The following SCNN1B variants were observed in gnomAD, a reference collection of about 807,000 sequenced individuals.
SCNN1B encodes the protein sodium channel epithelial 1 subunit beta, also known as epithelial sodium channel subunit beta.
A neutral mutation model predicts 65.3 loss-of-function variants in SCNN1B; 46 were observed. The observed-to-expected ratio is 0.70, with a 90% CI of 0.56 to 0.90. The LOEUF is 0.90. SCNN1B is among the 40% of genes least tolerant of loss of function. The pLI, the probability that SCNN1B is intolerant of heterozygous loss-of-function variation, is 0.00. For missense variants in SCNN1B, 751 were observed against 830.5 expected (o/e 0.90, Z 1.18); for synonymous variants, 349 against 330.6 (o/e 1.06, Z -0.60).
intron 1 of SCNN1B, among the ~76,000 whole-genome samples, chr16:23,327,095 T>C (rs2141998379): frequency 6.6e-6 from 1 of 152,142 alleles, no homozygotes; most frequent in East Asian, 2.0e-4. Context: ...GTTTTTATTT[T>C]TTGTAGAGGT....
intron 1 of SCNN1B, among the ~76,000 whole-genome samples, chr16:23,345,923 G>C (rs995492487): frequency 1.3e-5 from 2 of 152,132 alleles, no homozygotes; most frequent in African/African-American, 4.8e-5. Context: ...AATACAACTG[G>C]AGCTCCAGGA....
At chr16:23,300,968 A>T (rs146565551), upstream of SCNN1B, among the ~76,000 whole-genome samples, 391 of 151,182 alleles carry the variant, frequency 2.6e-3, 1 homozygote, top group African/African-American at 8.6e-3. Context: ...TATATAAACA[A>T]AATAACATAT....
intron 1 of SCNN1B, among the ~76,000 whole-genome samples, chr16:23,322,128 G>A (rs916429538): frequency 6.6e-6 from 1 of 151,934 alleles, no homozygotes; most frequent in African/African-American, 2.4e-5. Context: ...AACAGTTTTT[G>A]TTTGTTTGTT....
chr16:23,322,092 C>A (rs755681108), intron 1 of SCNN1B, among the ~76,000 whole-genome samples: 1 of 152,116 alleles, frequency 6.6e-6, no homozygotes, highest in Non-Finnish European at 1.5e-5. Flanking sequence ...AAACTCTCTC[C>A]CATTCCCTTG....
intron 4 of SCNN1B, among the ~76,000 whole-genome samples, chr16:23,362,611 G>A (rs994460922): frequency 6.6e-6 from 1 of 152,188 alleles, no homozygotes; most frequent in Non-Finnish European, 1.5e-5. Flanking sequence ...CCTGGCTCTG[G>A]AATCAGAGGC....
At chr16:23,337,872 G>T (rs183887473) in intron 1 of SCNN1B, among the ~76,000 whole-genome samples, 1 of 152,074 alleles carries the variant, frequency 6.6e-6, no homozygotes, top group East Asian at 1.9e-4. Context: ...TTCAAGACCA[G>T]CTGGGCAACA....
At chr16:23,299,837 C>T (rs1467689427), upstream of SCNN1B, among the ~76,000 whole-genome samples, 1 of 152,226 alleles carries the variant, frequency 6.6e-6, no homozygotes, top group Non-Finnish European at 1.5e-5. Flanking sequence ...AGTCCCGTTA[C>T]TGGGTATATA....
chr16:23,317,623 C>A (rs930197838), intron 1 of SCNN1B, among the ~76,000 whole-genome samples: 3 of 152,206 alleles, frequency 2.0e-5, no homozygotes, highest in Non-Finnish European at 2.9e-5. Context: ...TCAGGGAAAA[C>A]TCCTTCCTGC....
chr16:23,290,589 G>A (rs1017048243), intron 2 of SCNN1B, among the ~76,000 whole-genome samples: 6 of 152,162 alleles, frequency 3.9e-5, no homozygotes, highest in Non-Finnish European at 7.3e-5. Context: ...TTACAGGCAC[G>A]AGCCATAGCA....
At chr16:23,304,867 G>A (rs1961161264) in intron 1 of SCNN1B, among the ~76,000 whole-genome samples, 1 of 152,114 alleles carries the variant, frequency 6.6e-6, no homozygotes, top group South Asian at 2.1e-4. Context: ...TGATAATAAT[G>A]GCACCCTCCC....
chr16:23,351,907 T>C (rs1962317211), intron 2 of SCNN1B, among the ~76,000 whole-genome samples: 1 of 152,104 alleles, frequency 6.6e-6, no homozygotes, highest in Admixed American at 6.5e-5. Flanking sequence ...CCCATAAACA[T>C]ACCCACTGGA....
At chr16:23,286,172 G>A (rs1960847721) in intron 2 of SCNN1B, among the ~76,000 whole-genome samples, 1 of 152,186 alleles carries the variant, frequency 6.6e-6, no homozygotes, top group African/African-American at 2.4e-5. Flanking sequence ...CCTAGTCAGT[G>A]AGGGAAAGAA....
chr16:23,371,933 TG>T (rs1567316517), intron 7 of SCNN1B, 50 bp downstream of exon 7: 1 of 1,312,716 alleles, frequency 7.6e-7, no homozygotes, highest in South Asian at 1.2e-5. Context: ...TCCGGGTTTA[TG>T]GGGCCAAGGC....
intron 7 of SCNN1B, among the ~76,000 whole-genome samples, chr16:23,375,474 G>A (rs1481534435): frequency 1.3e-5 from 2 of 152,178 alleles, no homozygotes; most frequent in Admixed American, 1.3e-4. Context: ...AGCTCTGAAT[G>A]GTGGGACCTG....
intron 1 of SCNN1B, among the ~76,000 whole-genome samples, chr16:23,305,557 T>A (rs865818174): frequency 0.2 from 11,729 of 58,660 alleles, 1,877 homozygotes; most frequent in East Asian, 0.39. Context: ...TATATATATA[T>A]ATATATATAT....
At chr16:23,325,153 C>A (rs912905760) in intron 1 of SCNN1B, among the ~76,000 whole-genome samples, 1 of 152,206 alleles carries the variant, frequency 6.6e-6, no homozygotes, top group Non-Finnish European at 1.5e-5. Context: ...CCATCCCCAG[C>A]AGGACAGGTC....
At chr16:23,286,305 G>T (rs1001480370) in intron 2 of SCNN1B, among the ~76,000 whole-genome samples, 1 of 152,216 alleles carries the variant, frequency 6.6e-6, no homozygotes, top group African/African-American at 2.4e-5. Flanking sequence ...GAAACTGCAA[G>T]GTGAAAGGTT....
At chr16:23,306,977 G>A (rs1269717299) in intron 1 of SCNN1B, among the ~76,000 whole-genome samples, 1 of 152,188 alleles carries the variant, frequency 6.6e-6, no homozygotes. Flanking sequence ...ATAATGCCCT[G>A]GGAGTCACGT....
At chr16:23,278,375 GC>G (rs2141965172) in intron 1 of SCNN1B, 1 of 152,094 alleles carries the variant, frequency 6.6e-6, no homozygotes, top group Non-Finnish European at 1.5e-5. Flanking sequence ...AGTTTGTGGT[GC>G]CTATGGGACA....
Sources: allele counts gnomAD v4.1 joint callset (sites outside exome capture counted in the v4.1 genomes callset), GRCh38; gene constraint gnomAD v4.1.1; transcripts MANE v1.5; gene names NCBI Gene and HGNC (gene_info 2026-07-23, HGNC 2026-07-21).